SPIRE1: variants seen among roughly 807,000 people sequenced by gnomAD.
SPIRE1 encodes the protein protein spire homolog 1.
Under a neutral mutation model 94.1 loss-of-function variants are expected in SPIRE1, and 40 were observed. The ratio of observed to expected loss-of-function variants is 0.43; its 90% CI spans 0.33 to 0.55. The LOEUF (loss-of-function observed/expected upper bound fraction) is 0.55. Ranked by LOEUF, SPIRE1 falls within the 20% of genes least tolerant of loss-of-function variation. SPIRE1 has a pLI of 0.06. For missense variants in SPIRE1, 838 were observed against 975.2 expected (o/e 0.86, Z 1.87); for synonymous variants, 376 against 371.7 (o/e 1.01, Z -0.13).
chr18:12,454,209 C>T (rs1044953700), intron 13 of SPIRE1, 137 bp downstream of exon 13: 2 of 990,042 alleles, frequency 2.0e-6, no homozygotes, highest in African/African-American at 1.6e-5. Flanking sequence ...GTACTGTCTA[C>T]TAGGATATGA....
intron 2 of SPIRE1, among the ~76,000 whole-genome samples, chr18:12,554,955 T>TA (rs2035457306): frequency 6.6e-6 from 1 of 152,170 alleles, no homozygotes; most frequent in Admixed American, 6.5e-5. Flanking sequence ...AGCTGAAACT[T>TA]ACCAGATCAC....
intron 10 of SPIRE1, among the ~76,000 whole-genome samples, chr18:12,478,338 G>A (rs951252983): frequency 3.3e-5 from 5 of 150,160 alleles, no homozygotes; most frequent in Admixed American, 1.3e-4. Flanking sequence ...GTGTGTGCAC[G>A]CATGCATGTG....
intron 9 of SPIRE1, among the ~76,000 whole-genome samples, chr18:12,480,973 A>G (rs1015396375): frequency 2.0e-5 from 3 of 152,204 alleles, no homozygotes; most frequent in African/African-American, 7.2e-5. Flanking sequence ...TAAGTACTAA[A>G]GTGAAAAAGA....
chr18:12,602,536 GT>G (rs1414671964), intron 2 of SPIRE1, among the ~76,000 whole-genome samples: 1 of 152,166 alleles, frequency 6.6e-6, no homozygotes, highest in Non-Finnish European at 1.5e-5. Flanking sequence ...GAATTTTTAA[GT>G]GTTTTTGAGA....
rs968974551 is a variant in SPIRE1 at position 12,454,281 on chromosome 18, GGA to G, written c.1776+63_1776+64del. The G allele has an allele frequency of 4.1e-5, 65 of 1,583,454 alleles. No homozygotes were observed. The Admixed American group carries it at 1.1e-3, about 26-fold the overall frequency. On this transcript the variant is annotated intron_variant, in intron 13 of 16. Transcript: ENST00000409402. ...ACCTGGCTAGCAGATAACTCTCCCA[GGA>G]GACTATGCATGGGACTGGCCATCCT...
chr18:12,453,541 C>T (rs1334176656), intron 13 of SPIRE1, among the ~76,000 whole-genome samples: 1 of 151,330 alleles, frequency 6.6e-6, no homozygotes, highest in African/African-American at 2.4e-5. Flanking sequence ...TCACGCCATT[C>T]TCCTGCCTCA....
At chr18:12,532,693 A>C (rs1256063809) in intron 4 of SPIRE1, among the ~76,000 whole-genome samples, 2 of 152,244 alleles carry the variant, frequency 1.3e-5, no homozygotes, top group Non-Finnish European at 2.9e-5. Context: ...TTTTGAGAAA[A>C]GGCTGAAACC....
At chr18:12,510,735 TG>T (rs1316863106) in intron 5 of SPIRE1, among the ~76,000 whole-genome samples, 1 of 152,034 alleles carries the variant, frequency 6.6e-6, no homozygotes, top group Non-Finnish European at 1.5e-5. Context: ...GTGGGATAGC[TG>T]GCCATGTTGG....
chr18:12,493,253 T>G, intron 7 of SPIRE1, 52 bp from the exon 8 acceptor site: 2 of 1,526,716 alleles, frequency 1.3e-6, no homozygotes, highest in Non-Finnish European at 1.8e-6. Flanking sequence ...TAATTTTTAC[T>G]GAAGTCTAGT....
intron 2 of SPIRE1, among the ~76,000 whole-genome samples, chr18:12,580,125 C>T (rs1336538363): frequency 6.6e-6 from 1 of 152,054 alleles, no homozygotes; most frequent in African/African-American, 2.4e-5. Flanking sequence ...TCTGAAGTAC[C>T]GTCCTTGAGA....
intron 2 of SPIRE1, among the ~76,000 whole-genome samples, chr18:12,581,076 T>C (rs1297256895): frequency 6.6e-6 from 1 of 152,188 alleles, no homozygotes; most frequent in East Asian, 1.9e-4. Context: ...TAATACCCAC[T>C]GAACTACTAA....
At chr18:12,642,116 T>G (rs1747571897) in intron 1 of SPIRE1, among the ~76,000 whole-genome samples, 1 of 152,160 alleles carries the variant, frequency 6.6e-6, no homozygotes, top group Admixed American at 6.5e-5. Flanking sequence ...CAAAAAACAG[T>G]CAGGGACATG....
intron 9 of SPIRE1, among the ~76,000 whole-genome samples, chr18:12,482,939 CTTTT>C (rs11373716): frequency 2.3e-5 from 3 of 128,862 alleles, no homozygotes; most frequent in Admixed American, 8.0e-5. Context: ...CTTAATTGCA[CTTTT>C]TTTTTTTTTT....
intron 2 of SPIRE1, among the ~76,000 whole-genome samples, chr18:12,576,324 A>G (rs2144504187): frequency 6.6e-6 from 1 of 152,216 alleles, no homozygotes; most frequent in Non-Finnish European, 1.5e-5. Context: ...ATCACCGGGC[A>G]TGGTGGCTCA....
At chr18:12,651,878 T>C (rs1045224882) in intron 1 of SPIRE1, among the ~76,000 whole-genome samples, 1 of 152,174 alleles carries the variant, frequency 6.6e-6, no homozygotes, top group Non-Finnish European at 1.5e-5. Context: ...GAAACCATTC[T>C]CAAGGGATCC....
At chr18:12,607,149 G>A (rs1446376180) in intron 2 of SPIRE1, among the ~76,000 whole-genome samples, 2 of 152,104 alleles carry the variant, frequency 1.3e-5, no homozygotes, top group Non-Finnish European at 2.9e-5. Flanking sequence ...ACAATCACAA[G>A]GTCCTGTTTT....
chr18:12,530,841 C>A (rs2034660433), intron 4 of SPIRE1, among the ~76,000 whole-genome samples: 1 of 152,078 alleles, frequency 6.6e-6, no homozygotes, highest in Non-Finnish European at 1.5e-5. Context: ...TATGATACAT[C>A]AAGTTTCTAC....
intron 6 of SPIRE1, among the ~76,000 whole-genome samples, chr18:12,503,518 C>A (rs995575609): frequency 4.6e-5 from 7 of 152,160 alleles, no homozygotes; most frequent in Non-Finnish European, 1.0e-4. Flanking sequence ...CAGTTTCCTG[C>A]ATTCTGTTCT....
intron 6 of SPIRE1, among the ~76,000 whole-genome samples, chr18:12,496,608 G>T (rs1317701702): frequency 6.6e-6 from 1 of 152,086 alleles, no homozygotes; most frequent in African/African-American, 2.4e-5. Context: ...GGTGGCTCAC[G>T]TCTGTAATCC....
Sources: gnomAD v4.1 joint callset for allele counts (sites outside exome capture counted in the v4.1 genomes callset) on GRCh38, gnomAD v4.1.1 for gene constraint, MANE v1.5 for transcripts, NCBI Gene and HGNC (gene_info 2026-07-23, HGNC 2026-07-21) for gene names.